DST: variants seen among roughly 807,000 people sequenced by gnomAD.
DST encodes the protein bullous pemphigoid antigen.
Under a neutral mutation model 875.2 loss-of-function variants are expected in DST, and 253 were observed. That is an observed-to-expected ratio of 0.29 (90% confidence interval 0.26 to 0.32). DST has a LOEUF of 0.32. DST is among the 10% of genes least tolerant of loss of function. DST has a pLI of 1.00. For missense variants in DST, 8,287 were observed against 9,111.6 expected (o/e 0.91, Z 3.68); for synonymous variants, 3,124 against 3,197.1 (o/e 0.98, Z 0.77).
intron 61 of DST, among the ~76,000 whole-genome samples, chr6:56,548,382 T>C (rs1242576075): frequency 6.6e-6 from 1 of 152,210 alleles, no homozygotes; most frequent in African/African-American, 2.4e-5. Context: ...TGATTTTCAT[T>C]GAAATTAAAT....
At position 56,630,327 on chromosome 6, in the gene DST, T is replaced by A; in HGVS notation, c.4199A>T (p.Lys1400Ile). ...TTCACACAGTTTAGTTTCATAGAGT[T>A]TTACGAGGGCTTCTGCAGCTTGAGT... ...KNTQAAEALV[K>I]LYETKLCEEE... Residue 1400 changes from lysine to isoleucine, a missense_variant, in exon 31 of 104, where the codon AAA becomes ATA. Physicochemically the swap from Lys to Ile is moderately radical, Grantham distance 102. This residue lies in a region of DST where 3,138 missense variants were observed against 3,116.6 expected (regional missense o/e 1.01). Transcript: ENST00000680361. 1 of 1,612,996 alleles carries A rather than the reference T, an allele frequency of 6.2e-7. No individual in the cohort carries two copies. Among genetic ancestry groups the A allele is most frequent in the Non-Finnish European group, 8.5e-7 (1 of 1,179,810 alleles).
intron 10 of DST, among the ~76,000 whole-genome samples, chr6:56,657,994 G>A (rs2099018717): frequency 6.6e-6 from 1 of 152,000 alleles, no homozygotes; most frequent in Admixed American, 6.5e-5. Flanking sequence ...TCGAACCCCT[G>A]ACCTCAAGTG....
intron 5 of DST, among the ~76,000 whole-genome samples, chr6:56,711,494 T>C (rs188774626): frequency 2.0e-5 from 3 of 152,288 alleles, no homozygotes; most frequent in East Asian, 3.9e-4. Flanking sequence ...TTTGCTCACA[T>C]TTTCCCCTGA....
intron 9 of DST, among the ~76,000 whole-genome samples, chr6:56,682,749 C>T (rs143940781): frequency 9.9e-5 from 15 of 152,152 alleles, no homozygotes; most frequent in East Asian, 1.9e-4. Context: ...TGTAAAACAA[C>T]GTAAGTTTTG....
In DST at chr6:56,699,662, CA is replaced by C; in HGVS notation, c.1037del (p.Leu346CysfsTer63). The stretch of plus-strand genomic sequence containing the variant: ...GAAAATTTGGGCTTACCTGAAAGTG[CA>C]AAATTATTGTCCAGATTAATCCCAA... ...LTLGLIWTII[L>X]HFQISDIHVT... On this transcript the variant is annotated frameshift_variant, in exon 9 of 104. Transcript: ENST00000680361. LOFTEE classifies it high-confidence loss of function. The C allele has an allele frequency of 1.3e-6, 2 of 1,522,868 alleles. No homozygotes were observed. The highest frequency in any genetic ancestry group is 1.4e-5 in the African/African-American group (1 of 71,974). The allele number at this position is 1,522,868 out of a possible 1,614,324, so 94.3% of individuals were successfully genotyped here.
intron 4 of DST, among the ~76,000 whole-genome samples, chr6:56,778,400 T>C (rs1564124605): frequency 2.0e-5 from 3 of 151,456 alleles, no homozygotes; most frequent in African/African-American, 7.3e-5. Flanking sequence ...TTTTTAATTA[T>C]ACTTTAAGTT....
chr6:56,559,855 G>C (rs1439298528), intron 58 of DST, among the ~76,000 whole-genome samples: 1 of 152,074 alleles, frequency 6.6e-6, no homozygotes, highest in Non-Finnish European at 1.5e-5. Flanking sequence ...AAGAGCATAA[G>C]AGCATAAAGT....
At chr6:56,524,132 T>C (rs1200344326) in intron 69 of DST, among the ~76,000 whole-genome samples, 2 of 152,144 alleles carry the variant, frequency 1.3e-5, no homozygotes, top group African/African-American at 4.8e-5. Flanking sequence ...ATTCCAAACA[T>C]CTATAAGTAG....
chr6:56,742,253 A>G (rs2099549762), intron 4 of DST: 1 of 1,255,294 alleles, frequency 8.0e-7, no homozygotes, highest in Non-Finnish European at 1.0e-6. Flanking sequence ...AAGTGATAGT[A>G]TATGTGATAC....
At chr6:56,731,129 A>C (rs1454876077) in intron 5 of DST, among the ~76,000 whole-genome samples, 1 of 152,130 alleles carries the variant, frequency 6.6e-6, no homozygotes, top group Non-Finnish European at 1.5e-5. Flanking sequence ...TGGGAAAGCG[A>C]GATGGAGCAG....
intron 9 of DST, chr6:56,693,062 A>G: frequency 7.8e-7 from 1 of 1,289,738 alleles, no homozygotes; most frequent in Non-Finnish European, 1.0e-6. Flanking sequence ...CTTCCAGGAG[A>G]GTATTTTTCA....
chr6:56,551,004 G>A (rs147720940), intron 61 of DST, among the ~76,000 whole-genome samples: 18 of 152,288 alleles, frequency 1.2e-4, no homozygotes, highest in Middle Eastern at 3.4e-3. Flanking sequence ...CAATAAGGAC[G>A]TTTCCTTCAC....
intron 4 of DST, among the ~76,000 whole-genome samples, chr6:56,831,078 G>T (rs2099786357): frequency 6.6e-6 from 1 of 152,050 alleles, no homozygotes; most frequent in African/African-American, 2.4e-5. Flanking sequence ...GAATCAAATT[G>T]TATCATATAT....
intron 4 of DST, among the ~76,000 whole-genome samples, chr6:56,777,709 T>A (rs997184409): frequency 7.6e-5 from 11 of 144,614 alleles, no homozygotes; most frequent in Non-Finnish European, 1.1e-4. Context: ...CCACATAGGA[T>A]TTTTTTTTTT....
At chr6:56,592,434 A>AT in intron 48 of DST, 76 bp from the exon 49 acceptor site, 7 of 1,177,964 alleles carry the variant, frequency 5.9e-6, no homozygotes, top group Non-Finnish European at 8.3e-6. Flanking sequence ...CTTAGGACCT[A>AT]TAAAATATGT....
At chr6:56,908,589 G>C (rs1174137133) in intron 2 of DST, among the ~76,000 whole-genome samples, 1 of 152,140 alleles carries the variant, frequency 6.6e-6, no homozygotes, top group East Asian at 1.9e-4. Flanking sequence ...AGAGGCGTTT[G>C]AACCAGAGCA....
chr6:56,654,586 C>CTATATATATATCTA (rs2098994123), intron 10 of DST, among the ~76,000 whole-genome samples: 1 of 133,298 alleles, frequency 7.5e-6, no homozygotes, highest in African/African-American at 3.4e-5. Context: ...CTCCCCTAGG[C>CTATATATATATCTA]TATATATATA....
Position 56,670,096 on chromosome 6 carries a change from C to G in DST, c.1214+545G>C, listed in dbSNP as rs763988219. On this transcript the variant is annotated intron_variant, in intron 10 of 103. Transcript: ENST00000680361. Reference sequence around the variant, plus strand: ...TATCTGCGAAGTTACTGACAACATCCGAAGACATATTACAGCTGTGTGTGC... The same window carrying G: ...TATCTGCGAAGTTACTGACAACATCGGAAGACATATTACAGCTGTGTGTGC... Among the ~76,000 whole-genome samples the G allele has an allele frequency of 4.0e-5, 6 of 151,016 alleles. No individual in the cohort carries two copies. The East Asian group carries it at 1.2e-3, about 29-fold the overall frequency.
intron 2 of DST, among the ~76,000 whole-genome samples, chr6:56,931,672 T>C (rs1810290387): frequency 6.6e-6 from 1 of 152,230 alleles, no homozygotes; most frequent in African/African-American, 2.4e-5. Context: ...TGCATCAGTG[T>C]GACCTGGATG....
Sources: allele counts gnomAD v4.1 joint callset (sites outside exome capture counted in the v4.1 genomes callset), GRCh38; gene constraint gnomAD v4.1.1; regional missense constraint gnomAD v4.1.1; transcripts MANE v1.5; gene names NCBI Gene and HGNC (gene_info 2026-07-23, HGNC 2026-07-21).